The following ANO9 variants were observed in gnomAD, a reference collection of about 807,000 sequenced individuals.
ANO9 encodes the protein anoctamin 9, also known as anoctamin-9.
Under a neutral mutation model 100.5 loss-of-function variants are expected in ANO9, and 80 were observed. That is an observed-to-expected ratio of 0.80 (90% CI 0.66 to 0.96). The LOEUF (loss-of-function observed/expected upper bound fraction) is 0.96, where lower values mean the gene tolerates loss of function less well. Ranked by LOEUF, ANO9 falls within the 40% of genes least tolerant of loss-of-function variation. The pLI is 0.00. For synonymous variants in ANO9, 473 were observed against 435.6 expected (o/e 1.09, Z -1.07); for missense variants, 1,064 against 1,072.7 (o/e 0.99, Z 0.11).
rs1554927771 is a variant in ANO9, at chr11:419,721, G to A, written c.1795C>T (p.Leu599=). ...ACACCGATGGTCTCCAGCACCTGCA[G>A]CCAGGTCCCTGCACCAGAGCAGTGG... The part of the protein sequence containing the change: ...PRKAKDIGTW[L]QVLETIGVLA... The change falls in exon 20 of 23, where the codon CTG becomes TTG. Residue 599 remains leucine (L), a synonymous_variant. Transcript: ENST00000332826. 1.3e-6 allele frequency: 2 copies of A among 1,598,470 alleles called. No homozygotes were observed. The highest frequency in any genetic ancestry group is 2.2e-5 in the South Asian group (2 of 91,004).
At chr11:424,730 CAG>C (rs977280939) in intron 15 of ANO9, among the ~76,000 whole-genome samples, 2 of 152,006 alleles carry the variant, frequency 1.3e-5, no homozygotes, top group African/African-American at 4.8e-5. Context: ...GATGAGAACT[CAG>C]GGAGAAGGAA....
intron 1 of ANO9, among the ~76,000 whole-genome samples, chr11:434,582 C>T (rs1849305235): frequency 1.3e-5 from 2 of 152,176 alleles, no homozygotes; most frequent in South Asian, 2.1e-4. Context: ...TGGCCTAGCC[C>T]GTCCACCCCT....
In ANO9 at chr11:421,195, G is replaced by A; in HGVS notation, c.1338C>T (p.Ile446=). 6.5e-7 allele frequency: 1 copy of A among 1,545,596 alleles called. No individual in the cohort carries two copies. The highest frequency in any genetic ancestry group is 8.7e-7 in the Non-Finnish European group (1 of 1,143,002). The change falls in exon 16 of 23, where the codon ATC becomes ATT. Residue 446 remains isoleucine (I), a synonymous_variant. Coordinates refer to ENST00000332826, the MANE Select transcript of ANO9 (RefSeq NM_001012302.3). The surrounding 1 kb of genome is among the most constrained non-coding windows in gnomAD (Gnocchi z 6.8). ...GCGTGGACTTCCCGGGGTGGCCGTT[G>A]ATCCTGGGGAGGAAGGGGAAGTCTG... ...LIYIAFILGR[I]NGHPGKSTRL... is the part of the protein sequence containing the mutation.
chr11:432,003 A>G lies in ANO9; in HGVS notation c.402T>C (p.Ala134=). The G allele has an allele frequency of 6.2e-7, 1 of 1,612,980 alleles. No individual in the cohort carries two copies. ...GTGCCCCACCCCTGCCCTTACCACCAGCCGAGGTCTTGTTGTTCATGACAA... is the reference window on the plus strand; with the variant it reads ...GTGCCCCACCCCTGCCCTTACCACCGGCCGAGGTCTTGTTGTTCATGACAA... ...NFVVMNNKTS[A]GETFEDLMKD... Residue 134 remains alanine (A), a synonymous_variant, in exon 5 of 23, where the codon GCT becomes GCC. Coordinates refer to ENST00000332826, the MANE Select transcript of ANO9 (RefSeq NM_001012302.3). This position sits in a 1 kb window ranked among gnomAD's most constrained non-coding sequence, Gnocchi z 4.8.
intron 11 of ANO9, 116 bp downstream of exon 11, chr11:429,454 G>C (rs764030173): frequency 6.0e-6 from 9 of 1,509,902 alleles, no homozygotes; most frequent in African/African-American, 1.4e-5. Context: ...CATGTGGGGA[G>C]ACAGACTCGG....
rs76536293 is a variant in ANO9 at position 422,847 on chromosome 11, T to C, written c.1335-1649A>G. ...TCCCACAGAATTTTTTTTTTTTTTT[T>C]CAGACAGAGTCTTGCTCTGTCACCC... On this transcript the variant is annotated intron_variant, in intron 15 of 22. Transcript: ENST00000332826. This position sits in a 1 kb window ranked among gnomAD's most constrained non-coding sequence, Gnocchi z 4.3. Among the ~76,000 whole-genome samples the C allele has an allele frequency of 6.6e-6, 1 of 151,564 alleles. No homozygotes were observed. Among genetic ancestry groups the C allele is most frequent in the South Asian group, 2.1e-4 (1 of 4,812 alleles).
In ANO9 at chr11:418,200, C is replaced by T; in HGVS notation, c.*171G>A. ...CCTGAGAGCCCCCACAAAGACGGAG[C>T]AGGCGGAATAGGGTGGCAGCTCACA... On this transcript the variant is annotated 3_prime_UTR_variant, in exon 23 of 23. Coordinates refer to ENST00000332826, the MANE Select transcript of ANO9 (RefSeq NM_001012302.3). 2 of 677,532 alleles carry T rather than the reference C, an allele frequency of 3.0e-6. No individual in the cohort carries two copies. The highest frequency in any genetic ancestry group is 4.9e-6 in the Non-Finnish European group (2 of 411,878). The allele number at this position is 677,532 out of a possible 1,614,324, so 42.0% of individuals were successfully genotyped here.
intron 1 of ANO9, among the ~76,000 whole-genome samples, chr11:437,379 G>A (rs1845444926): frequency 6.6e-6 from 1 of 152,168 alleles, no homozygotes. Flanking sequence ...TGAGCACCCA[G>A]TGCCACACTG....
rs993190711 is a variant in ANO9, at chr11:432,353, C to T, written c.351-299G>A. On this transcript the variant is annotated intron_variant, in intron 4 of 22. Coordinates refer to ENST00000332826, the MANE Select transcript of ANO9 (RefSeq NM_001012302.3). This position sits in a 1 kb window ranked among gnomAD's most constrained non-coding sequence, Gnocchi z 4.8. ...CCCAGACCACAGCCCGCACCTGCAA[C>T]CACACCTCCCACCTGCGGGCCCCAT... The T allele has an allele frequency of 1.0e-5, 5 of 485,054 alleles. No individual in the cohort carries two copies. The highest frequency in any genetic ancestry group is 7.8e-5 in the African/African-American group (4 of 51,406). The allele number at this position is 485,054 out of a possible 1,614,324, so 30.0% of individuals were successfully genotyped here.
chr11:430,265 C>T lies in ANO9; in HGVS notation c.674+4G>A. The T allele has an allele frequency of 6.4e-7, 1 of 1,562,376 alleles. No individual in the cohort carries two copies. On this transcript the variant is annotated splice_donor_region_variant and intron_variant, in intron 8 of 22. Transcript: ENST00000332826. ...CCCCATGCCCGGCCCCTGCTGCGGC[C>T]CACCTGATCTGGCTGGCCTCAAACA...
intron 1 of ANO9, among the ~76,000 whole-genome samples, chr11:440,882 C>T (rs375425939): frequency 1.7e-4 from 26 of 152,386 alleles, no homozygotes; most frequent in Middle Eastern, 6.8e-3. Context: ...CACAGGCATG[C>T]GCCACCAGGC....
At chr11:429,392 G>C in intron 11 of ANO9, 178 bp downstream of exon 11, 1 of 1,422,416 alleles carries the variant, frequency 7.0e-7, no homozygotes, top group East Asian at 2.5e-5. Context: ...CACGTGGGGA[G>C]ACAGACACAG....
rs532287308 is a variant in ANO9 at position 439,212 on chromosome 11, G to A, written c.6+2709C>T. Among the ~76,000 whole-genome samples the A allele has an allele frequency of 6.7e-4, 102 of 152,350 alleles. 1 individual carries two copies. Among genetic ancestry groups the A allele is most frequent in the African/African-American group, 2.4e-3 (101 of 41,572 alleles). ...CAGGTGACACACCCAGTACTCCAGGGCCCCAGGGAGTTTGTGGGGGGCTCT... is the reference window on the plus strand; with the variant it reads ...CAGGTGACACACCCAGTACTCCAGGACCCCAGGGAGTTTGTGGGGGGCTCT... On this transcript the variant is annotated intron_variant, in intron 1 of 22. Transcript: ENST00000332826.
At chr11:426,328 T>C (rs1472697871) in intron 15 of ANO9, among the ~76,000 whole-genome samples, 1 of 152,014 alleles carries the variant, frequency 6.6e-6, no homozygotes, top group East Asian at 1.9e-4. Context: ...CCGTAGCACG[T>C]TGGGAGGCCG....
Position 418,533 on chromosome 11 carries a change from C to G in ANO9, c.2187G>C (p.Gln729His). ...CCTCCAGAACCTTGTTCTTCACCGACTGAGGGATGTCGGGCACGAACCAGG... is the reference window on the plus strand; with the variant it reads ...CCTCCAGAACCTTGTTCTTCACCGAGTGAGGGATGTCGGGCACGAACCAGG... ...IAAWFVPDIP[Q>H]SVKNKVLEVK... The change falls in exon 23 of 23, where the codon CAG becomes CAC. Residue 729 changes from glutamine to histidine, a missense_variant. Coordinates refer to ENST00000332826, the MANE Select transcript of ANO9 (RefSeq NM_001012302.3). 2 of 1,613,162 alleles carry G rather than the reference C, an allele frequency of 1.2e-6. No individual in the cohort carries two copies. The highest frequency in any genetic ancestry group is 1.7e-6 in the Non-Finnish European group (2 of 1,180,010).
At chr11:420,895 G>C (rs1848138176) in intron 17 of ANO9, 35 bp from the exon 18 acceptor site, 1 of 1,590,546 alleles carries the variant, frequency 6.3e-7, no homozygotes, top group African/African-American at 1.3e-5. Context: ...GAGGGCGCAG[G>C]GGGCGGAGGG....
In ANO9 at chr11:428,464, C is replaced by T. The variant is rs755149360; in HGVS notation, c.1185+11G>A. On this transcript the variant is annotated intron_variant, in intron 13 of 22. Coordinates refer to ENST00000332826, the MANE Select transcript of ANO9 (RefSeq NM_001012302.3). ...CCCCCCAGCTCGGGCCTGCCCTGCTCCCGGCCCCACCTTGGTCATGATGAT... is the reference window on the plus strand; with the variant it reads ...CCCCCCAGCTCGGGCCTGCCCTGCTTCCGGCCCCACCTTGGTCATGATGAT... The T allele has an allele frequency of 6.8e-6, 11 of 1,612,372 alleles. No individual in the cohort carries two copies. The highest frequency in any genetic ancestry group is 4.5e-5 in the East Asian group (2 of 44,858).
chr11:431,840 C>T lies in ANO9; in HGVS notation c.465+8G>A, dbSNP rs776542198. 35 of 1,610,842 alleles carry T rather than the reference C, an allele frequency of 2.2e-5. No homozygotes were observed. Among genetic ancestry groups the T allele is most frequent in the Non-Finnish European group, 3.0e-5 (35 of 1,178,584 alleles). On this transcript the variant is annotated splice_region_variant and intron_variant, in intron 6 of 22. Coordinates refer to ENST00000332826, the MANE Select transcript of ANO9 (RefSeq NM_001012302.3). ...CCAGGGCCCTCTCCAGGCCAGCCCA[C>T]CCCTCACCTTGTGCAGGGGGAACCT...
At chr11:428,288 A>G in intron 14 of ANO9, 70 bp downstream of exon 14, 1 of 1,608,336 alleles carries the variant, frequency 6.2e-7, no homozygotes, top group African/African-American at 1.3e-5. Flanking sequence ...CTCTCTGACC[A>G]CAGCCCCAAG....
Sources: gnomAD v4.1 joint callset for allele counts (sites outside exome capture counted in the v4.1 genomes callset) on GRCh38, gnomAD v4.1.1 for gene constraint, Gnocchi (gnomAD v3.1) non-coding constraint, MANE v1.5 for transcripts, NCBI Gene and HGNC (gene_info 2026-07-23, HGNC 2026-07-21) for gene names.